SLC25A21: variants seen among roughly 807,000 people sequenced by gnomAD.
SLC25A21 encodes the protein mitochondrial 2-oxodicarboxylate carrier.
Under a neutral mutation model 43.8 loss-of-function variants are expected in SLC25A21, and 47 were observed. That is an observed-to-expected ratio of 1.07 (90% confidence interval 0.85 to 1.37). The LOEUF (loss-of-function observed/expected upper bound fraction) is 1.37. Among genes scored for constraint, SLC25A21 ranks in the 40% most tolerant of loss-of-function variants. The pLI is 0.00. For synonymous variants in SLC25A21, 131 were observed against 121.3 expected, an observed-to-expected ratio of 1.08 and a Z score of -0.52; for missense variants, 352 against 350.2, an observed-to-expected ratio of 1.00 and a Z score of -0.04.
At chr14:37,165,521 TC>T (rs1302160123) in intron 1 of SLC25A21, among the ~76,000 whole-genome samples, 5 of 152,138 alleles carry the variant, frequency 3.3e-5, no homozygotes, top group Admixed American at 6.5e-5. Context: ...TAGAAGGCAT[TC>T]AGAGTGGGAC....
chr14:36,684,620 C>T, intron 8 of SLC25A21, 124 bp downstream of exon 8: 1 of 814,072 alleles, frequency 1.2e-6, no homozygotes, highest in Non-Finnish European at 1.9e-6. Context: ...TATATATTCG[C>T]AGTTTCTTAG....
At chr14:37,099,369 G>A (rs1411927313) in intron 1 of SLC25A21, among the ~76,000 whole-genome samples, 1 of 152,098 alleles carries the variant, frequency 6.6e-6, no homozygotes, top group Non-Finnish European at 1.5e-5. Context: ...TTTGCTGGAA[G>A]GAAATTTAAT....
intron 3 of SLC25A21, among the ~76,000 whole-genome samples, chr14:36,809,676 G>A (rs567313319): frequency 6.6e-6 from 1 of 152,260 alleles, no homozygotes; most frequent in East Asian, 1.9e-4. Context: ...GGAAATGGGA[G>A]ATCTGTGCAG....
chr14:36,863,086 TTC>T (rs1211231987), intron 2 of SLC25A21, among the ~76,000 whole-genome samples: 1 of 152,164 alleles, frequency 6.6e-6, no homozygotes, highest in African/African-American at 2.4e-5. Flanking sequence ...TTAGAAATAA[TTC>T]ACTTTCCCGT....
intron 3 of SLC25A21, among the ~76,000 whole-genome samples, chr14:36,789,409 A>C (rs1887364615): frequency 6.6e-6 from 1 of 152,018 alleles, no homozygotes; most frequent in Non-Finnish European, 1.5e-5. Flanking sequence ...TTTCTTTCTA[A>C]GAAAACCATT....
intron 3 of SLC25A21, among the ~76,000 whole-genome samples, chr14:36,788,362 T>G (rs1037936121): frequency 2.6e-5 from 4 of 151,598 alleles, no homozygotes; most frequent in Non-Finnish European, 2.9e-5. Context: ...ATCGAAGGCA[T>G]TACCTGAGAA....
intron 1 of SLC25A21, among the ~76,000 whole-genome samples, chr14:36,926,535 T>A (rs182389737): frequency 7.9e-4 from 120 of 152,192 alleles, no homozygotes; most frequent in African/African-American, 2.5e-3. Context: ...TGGAGTGACA[T>A]CTTAAGATGC....
chr14:36,972,590 A>G (rs534229400), intron 1 of SLC25A21, among the ~76,000 whole-genome samples: 5 of 152,320 alleles, frequency 3.3e-5, no homozygotes, highest in Admixed American at 6.5e-5. Context: ...GGATGGCCTT[A>G]CAGAGAAATG....
intron 1 of SLC25A21, among the ~76,000 whole-genome samples, chr14:37,098,799 A>T (rs1962758706): frequency 1.1e-5 from 1 of 92,834 alleles, no homozygotes; most frequent in African/African-American, 4.4e-5. Context: ...ATAGATAGAT[A>T]GATAGATTTT....
chr14:36,824,838 G>T (rs1226580186), intron 2 of SLC25A21, among the ~76,000 whole-genome samples: 1 of 144,856 alleles, frequency 6.9e-6, no homozygotes, highest in African/African-American at 2.6e-5. Context: ...TCAAGGAACT[G>T]TGATGGGGAG....
At chr14:37,103,843 T>C (rs556230333) in intron 1 of SLC25A21, among the ~76,000 whole-genome samples, 1 of 152,340 alleles carries the variant, frequency 6.6e-6, no homozygotes, top group East Asian at 1.9e-4. Context: ...ATCATGTCAC[T>C]CATTCAGTCA....
At chr14:36,815,346 C>T (rs1373217521) in intron 2 of SLC25A21, among the ~76,000 whole-genome samples, 1 of 151,730 alleles carries the variant, frequency 6.6e-6, no homozygotes, top group Non-Finnish European at 1.5e-5. Context: ...AAAAAAAATA[C>T]AGAGTAGCTA....
intron 1 of SLC25A21, among the ~76,000 whole-genome samples, chr14:36,952,561 C>G (rs913578762): frequency 6.6e-6 from 1 of 151,960 alleles, no homozygotes; most frequent in Admixed American, 6.6e-5. Context: ...GGAGTCTCAT[C>G]CTGAGCAAGG....
intron 2 of SLC25A21, among the ~76,000 whole-genome samples, chr14:36,825,881 C>A (rs1473574390): frequency 6.6e-6 from 1 of 152,148 alleles, no homozygotes; most frequent in Non-Finnish European, 1.5e-5. Flanking sequence ...TCTAATGAAA[C>A]TCCCCTCATT....
rs530268028 is a variant in SLC25A21 at position 37,126,580 on chromosome 14, G to A, written c.70+45701C>T. 1.0e-3 allele frequency among the ~76,000 whole-genome samples: 156 copies of A among 151,824 alleles called. 1 individual carries two copies. Among genetic ancestry groups the A allele is most frequent in the Non-Finnish European group, 4.9e-4 (33 of 67,982 alleles). On this transcript the variant is annotated intron_variant, in intron 1 of 9. Coordinates refer to ENST00000331299, the MANE Select transcript of SLC25A21 (RefSeq NM_030631.4). ...GAGTTATGTATAGGTATGTAATTAC[G>A]TATTTTTGCATAATTATATAATACA...
At chr14:36,936,113 C>T (rs897894815) in intron 1 of SLC25A21, among the ~76,000 whole-genome samples, 2 of 152,212 alleles carry the variant, frequency 1.3e-5, no homozygotes, top group Non-Finnish European at 1.5e-5. Context: ...GAGACAGCAC[C>T]GTGAAGGGAA....
chr14:37,167,824 A>G (rs1594355574), intron 1 of SLC25A21, among the ~76,000 whole-genome samples: 1 of 151,604 alleles, frequency 6.6e-6, no homozygotes, highest in Non-Finnish European at 1.5e-5. Context: ...ACTCAGCATA[A>G]GACAGCTTCG....
intron 3 of SLC25A21, among the ~76,000 whole-genome samples, chr14:36,801,929 A>G (rs1411375845): frequency 1.3e-5 from 2 of 152,202 alleles, no homozygotes. Flanking sequence ...AAGCCTTCAC[A>G]GTTTCCCTAA....
intron 3 of SLC25A21, among the ~76,000 whole-genome samples, chr14:36,754,322 T>C (rs371091387): frequency 1.3e-5 from 2 of 152,176 alleles, no homozygotes; most frequent in African/African-American, 4.8e-5. Flanking sequence ...ATATCAGTTC[T>C]TCTAGTTCTA....
Sources: allele counts gnomAD v4.1 joint callset (sites outside exome capture counted in the v4.1 genomes callset), GRCh38; gene constraint gnomAD v4.1.1; transcripts MANE v1.5; gene names NCBI Gene and HGNC (gene_info 2026-07-23, HGNC 2026-07-21).